Variants in TMEM178A observed in about 807,000 individuals in gnomAD.
TMEM178A encodes transmembrane protein 178.
In TMEM178A, 12 loss-of-function variants were observed where a neutral mutation model predicts 29.1. The ratio of observed to expected loss-of-function variants is 0.41; its 90% confidence interval spans 0.26 to 0.67. The LOEUF (loss-of-function observed/expected upper bound fraction) is 0.67. Among genes scored for constraint, TMEM178A ranks in the 30% least tolerant of loss-of-function variants. The probability of loss-of-function intolerance (pLI) is 0.29; values close to 1 mark genes in which losing one functional copy is unlikely to be tolerated. For synonymous variants in TMEM178A, 210 were observed against 187.2 expected, an observed-to-expected ratio of 1.12 and a Z score of -0.99; for missense variants, 366 against 419.1, an observed-to-expected ratio of 0.87 and a Z score of 1.11.
chr2:39,710,059 T>C (rs1314194395), intron 3 of TMEM178A, among the ~76,000 whole-genome samples: 1 of 152,136 alleles, frequency 6.6e-6, no homozygotes, highest in African/African-American at 2.4e-5. Context: ...CTCTCCCTGT[T>C]CTCAGCCCTT....
chr2:39,733,510 G>C, the TMEM178A span, among the ~76,000 whole-genome samples: 1 of 152,334 alleles, frequency 6.6e-6, no homozygotes, highest in African/African-American at 2.4e-5. Flanking sequence ...CAGGCAGACA[G>C]TGCCTGTTGT....
chr2:39,708,409 A>ATTTTT lies in TMEM178A; in HGVS notation c.652+1246_652+1250dup, dbSNP rs956611778. On this transcript the variant is annotated intron_variant, in intron 3 of 3. Coordinates refer to ENST00000281961, the MANE Select transcript of TMEM178A (RefSeq NM_152390.3). Reference sequence around the variant, plus strand: ...AGGTTTGAAGCAAAGGAGTGACTTGATTTTTTTTTTTTTTTTTTTTTTTTT... The same window carrying ATTTTT: ...AGGTTTGAAGCAAAGGAGTGACTTGATTTTTTTTTTTTTTTTTTTTTTTTTTTTTT... Among the ~76,000 whole-genome samples, 31 of 69,700 alleles carry ATTTTT rather than the reference A, an allele frequency of 4.4e-4. 3 individuals carry two copies. The highest frequency in any genetic ancestry group is 6.3e-4 in the Non-Finnish European group (24 of 38,390). The allele number at this position is 69,700 out of a possible 152,430, so 45.7% of individuals were successfully genotyped here. A position where few individuals can be genotyped will look rare whatever the true frequency, so the allele number is the denominator to read the frequency against.
chr2:39,677,872 AAGCCT>A (rs1291327217), intron 1 of TMEM178A, among the ~76,000 whole-genome samples: 2 of 152,174 alleles, frequency 1.3e-5, no homozygotes, highest in Non-Finnish European at 2.9e-5. Context: ...TTTAGCACAG[AAGCCT>A]CAGAAGATGG....
chr2:39,684,691 C>T (rs909602278), intron 1 of TMEM178A, among the ~76,000 whole-genome samples: 11 of 152,170 alleles, frequency 7.2e-5, no homozygotes, highest in African/African-American at 1.4e-4. Flanking sequence ...AGTCTTGTTG[C>T]GTGGGGGAGG....
chr2:39,699,760 C>CT (rs898011805), intron 1 of TMEM178A, among the ~76,000 whole-genome samples: 1 of 152,036 alleles, frequency 6.6e-6, no homozygotes, highest in Non-Finnish European at 1.5e-5. Flanking sequence ...CAGGCGAGAT[C>CT]TTTTTTTAAT....
At chr2:39,733,916 T>C in the TMEM178A span, among the ~76,000 whole-genome samples, 1 of 152,208 alleles carries the variant, frequency 6.6e-6, no homozygotes, top group African/African-American at 2.4e-5. Flanking sequence ...TTTATCCCCT[T>C]ATTCAAGGAC....
At chr2:39,724,525 AAAAT>A in the TMEM178A span, among the ~76,000 whole-genome samples, 1 of 152,322 alleles carries the variant, frequency 6.6e-6, no homozygotes. Flanking sequence ...CACTAACAAT[AAAAT>A]AAAACCATCT....
intron 2 of TMEM178A, 84 bp from the exon 3 acceptor site, chr2:39,706,965 A>C: frequency 6.8e-7 from 1 of 1,481,320 alleles, no homozygotes; most frequent in Non-Finnish European, 9.1e-7. Flanking sequence ...TAATTTTCAC[A>C]ATGTATACAA....
chr2:39,729,617 C>A, the TMEM178A span, among the ~76,000 whole-genome samples: 3 of 152,160 alleles, frequency 2.0e-5, 1 homozygote, highest in South Asian at 6.2e-4. Context: ...TCATCCTCTC[C>A]CCTTCTGACA....
intron 1 of TMEM178A, among the ~76,000 whole-genome samples, chr2:39,666,848 C>G (rs1186939109): frequency 2.0e-5 from 3 of 152,190 alleles, no homozygotes; most frequent in African/African-American, 7.2e-5. Flanking sequence ...AAAGTGGTGC[C>G]GACCTCCGAA....
chr2:39,686,273 T>C (rs1005058126), intron 1 of TMEM178A, among the ~76,000 whole-genome samples: 4 of 152,218 alleles, frequency 2.6e-5, no homozygotes, highest in African/African-American at 9.6e-5. Flanking sequence ...GACTGTGGGA[T>C]GCCCTAGAAT....
At chr2:39,694,425 A>G (rs1347729576) in intron 1 of TMEM178A, among the ~76,000 whole-genome samples, 1 of 152,200 alleles carries the variant, frequency 6.6e-6, no homozygotes, top group Non-Finnish European at 1.5e-5. Flanking sequence ...TAATAATAAG[A>G]AACAATTATG....
intron 1 of TMEM178A, among the ~76,000 whole-genome samples, chr2:39,674,166 C>G (rs1377544731): frequency 2.6e-5 from 4 of 151,902 alleles, no homozygotes; most frequent in Non-Finnish European, 5.9e-5. Context: ...GGAAAAGCAA[C>G]AGTGACTGCC....
intron 3 of TMEM178A, among the ~76,000 whole-genome samples, chr2:39,715,890 TG>T (rs1157482298): frequency 6.6e-6 from 1 of 152,142 alleles, no homozygotes; most frequent in Non-Finnish European, 1.5e-5. Context: ...AAAAGGGTGG[TG>T]GGTAGAGGGC....
chr2:39,701,690 TCA>T (rs1307352528), intron 1 of TMEM178A, among the ~76,000 whole-genome samples: 1 of 152,150 alleles, frequency 6.6e-6, no homozygotes, highest in Non-Finnish European at 1.5e-5. Context: ...TGATGGTGCC[TCA>T]CAGGTCTCTG....
At chr2:39,708,628 A>G (rs1341254861) in intron 3 of TMEM178A, among the ~76,000 whole-genome samples, 2 of 151,424 alleles carry the variant, frequency 1.3e-5, no homozygotes, top group African/African-American at 4.9e-5. Context: ...CGTGTTAGCC[A>G]GGATGGTCTC....
intron 1 of TMEM178A, among the ~76,000 whole-genome samples, chr2:39,679,967 T>C (rs1352019483): frequency 6.6e-6 from 1 of 152,094 alleles, no homozygotes; most frequent in Non-Finnish European, 1.5e-5. Flanking sequence ...GAGGGTGCTC[T>C]TCAGGCTCTT....
downstream of TMEM178A, among the ~76,000 whole-genome samples, chr2:39,721,169 G>C (rs1672695215): frequency 6.6e-6 from 1 of 152,262 alleles, no homozygotes; most frequent in Admixed American, 6.5e-5. Context: ...ACTGGAAGAA[G>C]AGGAAGTTTT....
At chr2:39,724,764 TA>T in the TMEM178A span, among the ~76,000 whole-genome samples, 1 of 152,246 alleles carries the variant, frequency 6.6e-6, no homozygotes, top group Middle Eastern at 3.4e-3. Flanking sequence ...CTCAGAGCAT[TA>T]ACCCAAGATC....
Sources: gnomAD v4.1 joint callset for allele counts (sites outside exome capture counted in the v4.1 genomes callset) on GRCh38, gnomAD v4.1.1 for gene constraint, MANE v1.5 for transcripts, NCBI Gene and HGNC (gene_info 2026-07-23, HGNC 2026-07-21) for gene names.